Variants in CELF4 observed in about 807,000 individuals in gnomAD.
CELF4 encodes the protein CUG-BP- and ETR-3-like factor 4.
In CELF4, 18 loss-of-function variants were observed where a neutral mutation model predicts 59.9. That is an observed-to-expected ratio of 0.30 (90% CI 0.21 to 0.45). CELF4 has a LOEUF of 0.45. Among genes scored for constraint, CELF4 ranks in the 20% least tolerant of loss-of-function variants. CELF4 has a pLI of 1.00. For missense variants in CELF4, 456 were observed against 689.0 expected (o/e 0.66, Z 3.79); for synonymous variants, 261 against 267.1 (o/e 0.98, Z 0.22).
At chr18:37,543,907 T>C (rs1490214097) in intron 1 of CELF4, among the ~76,000 whole-genome samples, 2 of 152,200 alleles carry the variant, frequency 1.3e-5, no homozygotes, top group Non-Finnish European at 2.9e-5. Flanking sequence ...AGGCTGAAGC[T>C]TGGGGGACTC....
chr18:37,510,595 C>T (rs1048547165), intron 1 of CELF4, among the ~76,000 whole-genome samples: 4 of 152,230 alleles, frequency 2.6e-5, no homozygotes, highest in Non-Finnish European at 5.9e-5. Context: ...GAATGAAACT[C>T]GACTTGCCCT....
intron 2 of CELF4, among the ~76,000 whole-genome samples, chr18:37,332,017 T>C (rs2097560911): frequency 6.6e-6 from 1 of 152,106 alleles, no homozygotes; most frequent in Admixed American, 6.6e-5. Flanking sequence ...CAGCTGCACG[T>C]GCAGGAGGTG....
At chr18:37,528,720 G>A (rs777526877) in intron 1 of CELF4, among the ~76,000 whole-genome samples, 10 of 151,928 alleles carry the variant, frequency 6.6e-5, no homozygotes, top group Non-Finnish European at 1.2e-4. Context: ...CGAGTGGGAG[G>A]GAGAATCACA....
intron 1 of CELF4, among the ~76,000 whole-genome samples, chr18:37,518,392 C>T (rs564327528): frequency 3.9e-5 from 6 of 152,186 alleles, no homozygotes; most frequent in Non-Finnish European, 8.8e-5. Flanking sequence ...TGTTTATCCT[C>T]CCCTGAACGA....
chr18:37,376,391 G>A (rs561832673), intron 2 of CELF4, among the ~76,000 whole-genome samples: 3 of 152,234 alleles, frequency 2.0e-5, no homozygotes, highest in African/African-American at 4.8e-5. Context: ...CTCCCTAGCC[G>A]GGACACTGCA....
intron 1 of CELF4, among the ~76,000 whole-genome samples, chr18:37,503,140 G>C (rs57548211): frequency 0.14 from 21,693 of 152,132 alleles, 1,828 homozygotes; most frequent in East Asian, 0.35. Flanking sequence ...GGACTTAAAT[G>C]CATGTGTGTG....
At chr18:37,559,954 C>A (rs2099986027) in intron 1 of CELF4, among the ~76,000 whole-genome samples, 1 of 152,134 alleles carries the variant, frequency 6.6e-6, no homozygotes. Flanking sequence ...GCAGTTTTGT[C>A]ATTTTTTTCC....
intron 10 of CELF4, among the ~76,000 whole-genome samples, chr18:37,260,962 C>A (rs1382196420): frequency 6.6e-6 from 1 of 152,084 alleles, no homozygotes; most frequent in Non-Finnish European, 1.5e-5. Flanking sequence ...CTGGATACCC[C>A]CGAGCTCTGG....
intron 3 of CELF4, among the ~76,000 whole-genome samples, chr18:37,320,658 C>G (rs973758578): frequency 6.6e-6 from 1 of 152,198 alleles, no homozygotes; most frequent in Non-Finnish European, 1.5e-5. Flanking sequence ...CGTTTGGCCC[C>G]CTTCTCCGGG....
At chr18:37,464,839 C>T (rs989485215) in intron 2 of CELF4, among the ~76,000 whole-genome samples, 4 of 152,144 alleles carry the variant, frequency 2.6e-5, no homozygotes, top group Non-Finnish European at 4.4e-5. Flanking sequence ...CAATGCTGCC[C>T]GAAAGGAGAC....
intron 1 of CELF4, among the ~76,000 whole-genome samples, chr18:37,509,621 G>A (rs1295678552): frequency 6.6e-6 from 1 of 152,256 alleles, no homozygotes; most frequent in Non-Finnish European, 1.5e-5. Context: ...CAAACAATAA[G>A]AAGGCATAAG....
intron 11 of CELF4, 157 bp downstream of exon 11, chr18:37,259,024 T>C (rs1209711279): frequency 1.6e-5 from 17 of 1,087,890 alleles, no homozygotes; most frequent in Non-Finnish European, 2.1e-5. Context: ...GCGGGGGCAA[T>C]GTGAAGGAGC....
In CELF4 at chr18:37,493,552, C is replaced by T. The variant is rs184154366; in HGVS notation, c.287-7945G>A. ...GCAGGAAGTGGCTGCTGCAGGGATG[C>T]GGGTGTGGGGGAGGTGGGCCATGGG... On this transcript the variant is annotated intron_variant, in intron 1 of 12. Transcript: ENST00000420428. 3.8e-3 allele frequency among the ~76,000 whole-genome samples: 578 copies of T among 151,950 alleles called. 3 individuals are homozygous for T. Among genetic ancestry groups the T allele is most frequent in the Non-Finnish European group, 4.4e-3 (300 of 67,966 alleles).
chr18:37,412,710 C>A (rs1202893227), intron 2 of CELF4, among the ~76,000 whole-genome samples: 1 of 152,114 alleles, frequency 6.6e-6, no homozygotes, highest in African/African-American at 2.4e-5. Context: ...ATGGATGTTA[C>A]TTCTGCATCA....
At chr18:37,527,199 C>T (rs1315232105) in intron 1 of CELF4, among the ~76,000 whole-genome samples, 1 of 151,842 alleles carries the variant, frequency 6.6e-6, no homozygotes, top group African/African-American at 2.4e-5. Context: ...TAGAGCCCAC[C>T]AGAAGCCAAA....
At position 37,479,178 on chromosome 18, in the gene CELF4, C is replaced by T. The variant is rs534466964; in HGVS notation, c.369+6347G>A. ...ACTCTGCCCTCTGCTCCTGCCCGTACTCCCCACCTACCCGGTGCTCACACC... is the reference window on the plus strand; with the variant it reads ...ACTCTGCCCTCTGCTCCTGCCCGTATTCCCCACCTACCCGGTGCTCACACC... On this transcript the variant is annotated intron_variant, in intron 2 of 12. Coordinates refer to ENST00000420428, the MANE Select transcript of CELF4 (RefSeq NM_020180.4). Among the ~76,000 whole-genome samples, 106 of 152,330 alleles carry T rather than the reference C, an allele frequency of 7.0e-4. 1 individual carries two copies. The highest frequency in any genetic ancestry group is 2.2e-3 in the African/African-American group (91 of 41,570).
intron 1 of CELF4, among the ~76,000 whole-genome samples, chr18:37,516,941 G>T (rs1475770599): frequency 6.6e-6 from 1 of 152,206 alleles, no homozygotes; most frequent in African/African-American, 2.4e-5. Flanking sequence ...CAATAACATG[G>T]CCTGTGTTCT....
At chr18:37,534,311 G>A (rs1323574414) in intron 1 of CELF4, among the ~76,000 whole-genome samples, 1 of 152,102 alleles carries the variant, frequency 6.6e-6, no homozygotes, top group African/African-American at 2.4e-5. Context: ...GGCAGGGCTG[G>A]CTTGGGCAGA....
intron 2 of CELF4, among the ~76,000 whole-genome samples, chr18:37,388,083 C>T (rs546650772): frequency 5.3e-5 from 8 of 152,006 alleles, no homozygotes; most frequent in East Asian, 1.9e-4. Context: ...TACTGTACAG[C>T]GCAGTGTGAT....
Sources: allele counts gnomAD v4.1 joint callset (sites outside exome capture counted in the v4.1 genomes callset), GRCh38; gene constraint gnomAD v4.1.1; transcripts MANE v1.5; gene names NCBI Gene and HGNC (gene_info 2026-07-23, HGNC 2026-07-21).